Variants in FKBP5 observed in about 807,000 individuals in gnomAD.
FKBP5 encodes peptidyl-prolyl cis-trans isomerase FKBP5.
FKBP5 carries 23 observed loss-of-function variants against 50.5 expected under a neutral mutation model. That is an observed-to-expected ratio of 0.46 (90% CI 0.33 to 0.65). The LOEUF (loss-of-function observed/expected upper bound fraction) is 0.65. FKBP5 is among the 30% of genes least tolerant of loss of function. The pLI, the probability that FKBP5 is intolerant of heterozygous loss-of-function variation, is 0.02. For missense variants in FKBP5, 411 were observed against 553.1 expected (o/e 0.74, Z 2.58); for synonymous variants, 176 against 190.6 (o/e 0.92, Z 0.63).
intron 1 of FKBP5, among the ~76,000 whole-genome samples, chr6:35,648,530 C>T (rs534502772): frequency 2.0e-5 from 3 of 152,242 alleles, no homozygotes; most frequent in Non-Finnish European, 1.5e-5. Flanking sequence ...CCTCCCACTT[C>T]GTCCTCTCAA....
intron 2 of FKBP5, among the ~76,000 whole-genome samples, chr6:35,700,034 G>A (rs1340790848): frequency 1.3e-5 from 2 of 151,974 alleles, no homozygotes; most frequent in African/African-American, 4.8e-5. Context: ...GCGACAGAGT[G>A]AGACTCTGTC....
rs576770697 is a variant in FKBP5, at chr6:35,706,216, G to A, written c.-20+14112C>T. The stretch of plus-strand genomic sequence containing the variant: ...AGACGGGCAGATCACCTGAGGTCAG[G>A]AGTTCAAGACCAGCCTGGCTAATAT... On this transcript the variant is annotated intron_variant, in intron 2 of 11. Coordinates refer to the FKBP5 transcript ENST00000536438. Among the ~76,000 whole-genome samples the A allele has an allele frequency of 9.2e-5, 14 of 152,208 alleles. No homozygotes were observed. In the East Asian group the frequency reaches 2.1e-3, roughly 23 times the overall value.
chr6:35,705,258 A>AT (rs199875825), intron 2 of FKBP5, among the ~76,000 whole-genome samples: 5 of 7,760 alleles, frequency 6.4e-4, no homozygotes, highest in South Asian at 5.4e-3. Flanking sequence ...ATATATATAT[A>AT]TTTTTTTTTT....
chr6:35,718,021 T>C lies in FKBP5; in HGVS notation c.-20+2307A>G, dbSNP rs139892439. Among the ~76,000 whole-genome samples the C allele has an allele frequency of 5.5e-3, 841 of 152,338 alleles. 7 individuals carry two copies. Among genetic ancestry groups the C allele is most frequent in the Admixed American group, 8.8e-3 (134 of 15,304 alleles). The stretch of plus-strand genomic sequence containing the variant: ...AACAGACCCCATCTCCCTGGAAGGC[T>C]GTGCCCTAGGATGGGAGGGTTGCAA... On this transcript the variant is annotated intron_variant, in intron 2 of 11. Coordinates refer to the FKBP5 transcript ENST00000536438.
chr6:35,669,718 T>A (rs746130821), intron 1 of FKBP5, among the ~76,000 whole-genome samples: 8 of 152,200 alleles, frequency 5.3e-5, no homozygotes, highest in Non-Finnish European at 1.2e-4. Flanking sequence ...AGAAATTCAA[T>A]AATTTTCAAA....
chr6:35,701,282 C>G (rs1378027734), intron 2 of FKBP5, among the ~76,000 whole-genome samples: 3 of 142,836 alleles, frequency 2.1e-5, no homozygotes, highest in Admixed American at 7.1e-5. Flanking sequence ...CTCGCTCTGT[C>G]GCCCAGGCTG....
At chr6:35,653,490 A>C (rs1186146279) in intron 1 of FKBP5, among the ~76,000 whole-genome samples, 1 of 152,166 alleles carries the variant, frequency 6.6e-6, no homozygotes, top group African/African-American at 2.4e-5. Context: ...GTTTTAATGG[A>C]GTTATCTTGA....
At chr6:35,638,258 T>C (rs151140827) in intron 2 of FKBP5, among the ~76,000 whole-genome samples, 124 of 152,316 alleles carry the variant, frequency 8.1e-4, no homozygotes, top group Non-Finnish European at 1.4e-3. Context: ...CTGATGAACA[T>C]CTTTTTGGGG....
intron 3 of FKBP5, among the ~76,000 whole-genome samples, chr6:35,629,873 A>G (rs1764102036): frequency 6.6e-6 from 1 of 152,158 alleles, no homozygotes; most frequent in Non-Finnish European, 1.5e-5. Flanking sequence ...TCTGGCTCAC[A>G]CTTTTGGGGA....
At chr6:35,589,128 A>ATATT (rs1427010607) in intron 7 of FKBP5, among the ~76,000 whole-genome samples, 150 of 121,524 alleles carry the variant, frequency 1.2e-3, no homozygotes, top group African/African-American at 4.0e-3. Flanking sequence ...ATATATATAT[A>ATATT]TTTTTTTTTT....
At chr6:35,637,374 C>T (rs532631223) in intron 2 of FKBP5, among the ~76,000 whole-genome samples, 2 of 151,678 alleles carry the variant, frequency 1.3e-5, no homozygotes, top group South Asian at 4.2e-4. Context: ...ACTTTTATTG[C>T]TAATCGCACT....
intron 1 of FKBP5, among the ~76,000 whole-genome samples, chr6:35,665,298 T>A (rs1415375853): frequency 6.6e-6 from 1 of 151,858 alleles, no homozygotes; most frequent in East Asian, 1.9e-4. Context: ...CTCCTCTTTT[T>A]TTTTTTTTTT....
intron 1 of FKBP5, among the ~76,000 whole-genome samples, chr6:35,672,122 C>A (rs564521440): frequency 2.9e-4 from 44 of 152,292 alleles, no homozygotes; most frequent in African/African-American, 1.1e-3. Context: ...CCCACCTCGG[C>A]CTCCCAAAGT....
intron 3 of FKBP5, 94 bp from the exon 4 acceptor site, chr6:35,620,368 A>G: frequency 7.7e-7 from 1 of 1,297,266 alleles, no homozygotes; most frequent in Non-Finnish European, 1.1e-6. Flanking sequence ...AGTTTTTCAT[A>G]CTACATACTC....
At chr6:35,582,585 A>G in intron 8 of FKBP5, 1 of 861,126 alleles carries the variant, frequency 1.2e-6, no homozygotes, top group Non-Finnish European at 1.4e-6. Context: ...TCCTGCTAAC[A>G]CCTTGATCTG....
intron 7 of FKBP5, among the ~76,000 whole-genome samples, chr6:35,588,373 C>T (rs1762680217): frequency 6.6e-6 from 1 of 152,112 alleles, no homozygotes; most frequent in South Asian, 2.1e-4. Flanking sequence ...TCTGGCAACT[C>T]ATGTAATTCT....
intron 2 of FKBP5, among the ~76,000 whole-genome samples, chr6:35,694,312 A>AT (rs1411432313): frequency 1.3e-5 from 2 of 151,544 alleles, no homozygotes; most frequent in Non-Finnish European, 2.9e-5. Context: ...TGTCTGGTTA[A>AT]TTTTTTTTAT....
At chr6:35,622,709 T>C (rs1763882162) in intron 3 of FKBP5, among the ~76,000 whole-genome samples, 1 of 152,222 alleles carries the variant, frequency 6.6e-6, no homozygotes. Flanking sequence ...AGTTCTAAAC[T>C]ACTTTTTCAT....
chr6:35,606,207 C>T (rs921818259), intron 5 of FKBP5, among the ~76,000 whole-genome samples: 1 of 152,044 alleles, frequency 6.6e-6, no homozygotes, highest in African/African-American at 2.4e-5. Flanking sequence ...AACAAATCAA[C>T]AAGAAAAAAG....
Sources: allele counts gnomAD v4.1 joint callset (sites outside exome capture counted in the v4.1 genomes callset), GRCh38; gene constraint gnomAD v4.1.1; transcripts MANE v1.5; gene names NCBI Gene and HGNC (gene_info 2026-07-23, HGNC 2026-07-21).